The following DPYD variants were observed in gnomAD, a reference collection of about 807,000 sequenced individuals.
DPYD encodes the protein dihydropyrimidine dehydrogenase [NADP(+)].
A neutral mutation model predicts 116.2 loss-of-function variants in DPYD; 109 were observed. The observed-to-expected ratio is 0.94, with a 90% CI of 0.80 to 1.10. The LOEUF (loss-of-function observed/expected upper bound fraction) is 1.10, where lower values mean the gene tolerates loss of function less well. Among genes scored for constraint, DPYD ranks in the 50% least tolerant of loss-of-function variants. DPYD has a pLI of 0.00. For missense variants in DPYD, 1,302 were observed against 1,254.5 expected (o/e 1.04, Z -0.57); for synonymous variants, 440 against 432.0 (o/e 1.02, Z -0.23).
intron 20 of DPYD, among the ~76,000 whole-genome samples, chr1:97,164,160 A>G (rs1401800393): frequency 6.6e-6 from 1 of 152,198 alleles, no homozygotes; most frequent in Non-Finnish European, 1.5e-5. Flanking sequence ...ACATAAACAG[A>G]ACTAAAGATA....
At chr1:97,529,377 T>C (rs918283921) in intron 12 of DPYD, among the ~76,000 whole-genome samples, 1 of 152,186 alleles carries the variant, frequency 6.6e-6, no homozygotes, top group Non-Finnish European at 1.5e-5. Context: ...TTAAAAAAAG[T>C]AGTCTATTTT....
rs559865274 is a variant in DPYD, at chr1:97,879,493, A to G, written c.150+3771T>C. 2.1e-4 allele frequency among the ~76,000 whole-genome samples: 32 copies of G among 152,080 alleles called. No homozygotes were observed. The South Asian group carries it at 4.4e-3, about 21-fold the overall frequency. On this transcript the variant is annotated intron_variant, in intron 2 of 22. Coordinates refer to ENST00000370192, the MANE Select transcript of DPYD (RefSeq NM_000110.4). The stretch of plus-strand genomic sequence containing the variant: ...ATATTTATGTAATTAGGATAGTTCA[A>G]CATTTTCAAAAATGGCAAAAATAAA...
At chr1:97,765,088 GAGGACC>G (rs1665777206) in intron 3 of DPYD, among the ~76,000 whole-genome samples, 1 of 152,028 alleles carries the variant, frequency 6.6e-6, no homozygotes, top group Non-Finnish European at 1.5e-5. Context: ...TAAACATTAA[GAGGACC>G]AACTCTTTCT....
intron 3 of DPYD, among the ~76,000 whole-genome samples, chr1:97,774,057 T>G (rs556851020): frequency 7.9e-5 from 12 of 152,262 alleles, no homozygotes; most frequent in African/African-American, 2.9e-4. Context: ...CAACCCTAGA[T>G]GCTGCCGTGG....
chr1:97,458,108 A>G (rs1291288383), intron 13 of DPYD, among the ~76,000 whole-genome samples: 1 of 152,212 alleles, frequency 6.6e-6, no homozygotes, highest in African/African-American at 2.4e-5. Flanking sequence ...TTTAAGGCCC[A>G]GAATAGCAGC....
chr1:97,695,121 T>C (rs1661223350), intron 6 of DPYD, among the ~76,000 whole-genome samples: 1 of 152,142 alleles, frequency 6.6e-6, no homozygotes, highest in Non-Finnish European at 1.5e-5. Context: ...ATGTGAAAAG[T>C]TGATTTGGAA....
intron 8 of DPYD, among the ~76,000 whole-genome samples, chr1:97,634,904 T>C (rs1657476855): frequency 6.6e-6 from 1 of 151,308 alleles, no homozygotes; most frequent in African/African-American, 2.4e-5. Context: ...ATCCATCTAG[T>C]TGCAATTGCT....
chr1:97,361,495 C>A (rs1419529397), intron 16 of DPYD, among the ~76,000 whole-genome samples: 1 of 151,980 alleles, frequency 6.6e-6, no homozygotes, highest in African/African-American at 2.4e-5. Flanking sequence ...GGCAGAGACA[C>A]AACAAAAAAA....
At chr1:97,290,579 A>T (rs946261457) in intron 18 of DPYD, among the ~76,000 whole-genome samples, 3 of 152,228 alleles carry the variant, frequency 2.0e-5, no homozygotes, top group African/African-American at 7.2e-5. Context: ...AAAACAAGAA[A>T]TAGGGAAAGG....
At chr1:97,889,654 T>C (rs540274077) in intron 1 of DPYD, among the ~76,000 whole-genome samples, 1 of 152,144 alleles carries the variant, frequency 6.6e-6, no homozygotes, top group South Asian at 2.1e-4. Flanking sequence ...TAAACAATAC[T>C]AATTAAAGAC....
chr1:97,573,801 A>G lies in DPYD; in HGVS notation c.1298T>C (p.Val433Ala). 3.7e-6 allele frequency: 6 copies of G among 1,613,672 alleles called. No homozygotes were observed. In the South Asian group the frequency reaches 5.5e-5, roughly 15 times the overall value. The change falls in exon 11 of 23, where the codon GTG becomes GCG. Residue 433 changes from valine (V) to alanine (A), a missense_variant. Val to Ala is a moderately conservative substitution (Grantham distance 64, BLOSUM62 0). Transcript: ENST00000370192. The part of the protein sequence containing the change: ...EDQMVHLKAD[V>A]VISAFGSVLS... ...AACTGAACCAAAGGCACTGATGACC[A>G]CATCGGCTTTCAGATGGACCATCTG...
intron 3 of DPYD, among the ~76,000 whole-genome samples, chr1:97,764,428 T>A (rs1231827783): frequency 6.6e-6 from 1 of 152,050 alleles, no homozygotes; most frequent in East Asian, 1.9e-4. Context: ...ATTTTAACTA[T>A]CTATTCTGGT....
intron 18 of DPYD, among the ~76,000 whole-genome samples, chr1:97,255,704 T>G (rs494271): frequency 1.3e-5 from 2 of 150,208 alleles, no homozygotes; most frequent in Admixed American, 1.3e-4. Flanking sequence ...TTTTTATTTT[T>G]GCCGTTTTTT....
At chr1:97,206,638 T>A (rs1285746807) in intron 19 of DPYD, among the ~76,000 whole-genome samples, 4 of 48,980 alleles carry the variant, frequency 8.2e-5, no homozygotes, top group East Asian at 1.3e-3. Context: ...CAGGGAGATT[T>A]TATATATATA....
intron 20 of DPYD, among the ~76,000 whole-genome samples, chr1:97,108,181 G>T (rs867622267): frequency 1.3e-5 from 2 of 152,088 alleles, no homozygotes; most frequent in South Asian, 2.1e-4. Context: ...TGCTGGGGGA[G>T]GTAATGTGGC....
intron 12 of DPYD, chr1:97,547,048 C>A (rs1650930353): frequency 2.6e-6 from 3 of 1,170,020 alleles, no homozygotes; most frequent in Non-Finnish European, 3.8e-6. Context: ...AGAAACAGTA[C>A]AGAACTGATG....
At chr1:97,293,366 T>A (rs1237307690) in intron 18 of DPYD, among the ~76,000 whole-genome samples, 3 of 152,206 alleles carry the variant, frequency 2.0e-5, no homozygotes, top group African/African-American at 7.2e-5. Flanking sequence ...GTGTACAGTA[T>A]GAAGAGTCAG....
At chr1:97,301,743 T>C (rs1161323763) in intron 18 of DPYD, among the ~76,000 whole-genome samples, 7 of 151,928 alleles carry the variant, frequency 4.6e-5, no homozygotes, top group Non-Finnish European at 4.4e-5. Flanking sequence ...CTTTAGCTTA[T>C]GCCATGCAGG....
At chr1:97,549,467 C>T in intron 12 of DPYD, 93 bp downstream of exon 12, 1 of 1,371,150 alleles carries the variant, frequency 7.3e-7, no homozygotes, top group Admixed American at 1.7e-5. Context: ...TATTATATAC[C>T]AAATAGAAAT....
Sources: gnomAD v4.1 joint callset for allele counts (sites outside exome capture counted in the v4.1 genomes callset) on GRCh38, gnomAD v4.1.1 for gene constraint, MANE v1.5 for transcripts, NCBI Gene and HGNC (gene_info 2026-07-23, HGNC 2026-07-21) for gene names.